TBC1D19: variants seen among roughly 807,000 people sequenced by gnomAD.
TBC1D19 encodes the protein TBC1 domain family member 19, also known as TBC1 domain family, member 19.
In TBC1D19, 60 loss-of-function variants were observed where a neutral mutation model predicts 89.0. That is an observed-to-expected ratio of 0.67 (90% CI 0.55 to 0.84). The LOEUF (loss-of-function observed/expected upper bound fraction) is 0.84. Ranked by LOEUF, TBC1D19 falls within the 40% of genes least tolerant of loss-of-function variation. The pLI is 0.00. For missense variants in TBC1D19, 500 were observed against 610.8 expected (o/e 0.82, Z 1.91); for synonymous variants, 189 against 199.7 (o/e 0.95, Z 0.45).
At chr4:26,806,115 T>A in the TBC1D19 span, among the ~76,000 whole-genome samples, 1 of 152,034 alleles carries the variant, frequency 6.6e-6, no homozygotes, top group African/African-American at 2.4e-5. Context: ...CCTGCTAAAC[T>A]TGAGCCTGAC....
At chr4:26,687,690 C>T (rs181945294) in intron 12 of TBC1D19, among the ~76,000 whole-genome samples, 259 of 151,944 alleles carry the variant, frequency 1.7e-3, no homozygotes, top group African/African-American at 6.0e-3. Context: ...GGTGGTACTA[C>T]GTATACAAAA....
chr4:26,653,817 C>A (rs545090174), intron 7 of TBC1D19, among the ~76,000 whole-genome samples: 183 of 152,096 alleles, frequency 1.2e-3, no homozygotes, highest in Non-Finnish European at 2.0e-3. Flanking sequence ...TGGGTCTTTA[C>A]TCTTTCTCCA....
At chr4:26,579,995 C>A (rs2109919908), upstream of TBC1D19, among the ~76,000 whole-genome samples, 1 of 152,308 alleles carries the variant, frequency 6.6e-6, no homozygotes, top group East Asian at 1.9e-4. Flanking sequence ...TTGGGACTCT[C>A]CTCCAGACTT....
chr4:26,693,810 G>C (rs1714514001), intron 13 of TBC1D19, among the ~76,000 whole-genome samples: 2 of 152,086 alleles, frequency 1.3e-5, no homozygotes, highest in South Asian at 4.1e-4. Flanking sequence ...GCGTTGAAAA[G>C]TACAATAATT....
Position 26,620,610 on chromosome 4 carries a change from T to C in TBC1D19, c.219-3T>C. ...ATATTTAGCTGCCTCTTTTTGCTCC[T>C]AGGTTTCCTTTACCTAGTCATCCTG... On this transcript the variant is annotated splice_polypyrimidine_tract_variant and splice_region_variant and intron_variant, in intron 3 of 20. Coordinates refer to ENST00000264866, the MANE Select transcript of TBC1D19 (RefSeq NM_018317.4). 6.2e-7 allele frequency: 1 copy of C among 1,613,324 alleles called. No individual in the cohort carries two copies. Among genetic ancestry groups the C allele is most frequent in the Non-Finnish European group, 8.5e-7 (1 of 1,179,646 alleles).
At chr4:26,650,220 A>G (rs1420442757) in intron 7 of TBC1D19, among the ~76,000 whole-genome samples, 2 of 152,022 alleles carry the variant, frequency 1.3e-5, no homozygotes, top group Non-Finnish European at 2.9e-5. Flanking sequence ...TCCTTTGAGT[A>G]TATACCCCGT....
At chr4:26,587,909 T>A (rs1739515413) in intron 1 of TBC1D19, among the ~76,000 whole-genome samples, 2 of 152,136 alleles carry the variant, frequency 1.3e-5, no homozygotes, top group Non-Finnish European at 2.9e-5. Context: ...ACTTAATTTA[T>A]TTTAACGAAT....
At chr4:26,745,686 A>G (rs1460453593) in intron 18 of TBC1D19, among the ~76,000 whole-genome samples, 1 of 149,082 alleles carries the variant, frequency 6.7e-6, no homozygotes, top group African/African-American at 2.5e-5. Context: ...TTTTTTTTGT[A>G]TTTTTAGTAG....
chr4:26,666,333 A>C lies in TBC1D19; in HGVS notation c.592A>C (p.Lys198Gln). ...PLKVKDIPEL[K>Q]ECFVELGLNI... ...TAATTCTACGTATGTTATTTTTCAGAAAGAATGCTTTGTGGAACTTGGCTT... is the reference window on the plus strand; with the variant it reads ...TAATTCTACGTATGTTATTTTTCAGCAAGAATGCTTTGTGGAACTTGGCTT... Residue 198 changes from lysine (K) to glutamine (Q), a missense_variant and splice_region_variant, in exon 9 of 21, where the codon AAA becomes CAA. This residue lies in a region of TBC1D19 where 280 missense variants were observed against 291.7 expected (regional missense o/e 0.96). Coordinates refer to ENST00000264866, the MANE Select transcript of TBC1D19 (RefSeq NM_018317.4). 1 of 1,610,326 alleles carries C rather than the reference A, an allele frequency of 6.2e-7. No homozygotes were observed. The highest frequency in any genetic ancestry group is 8.5e-7 in the Non-Finnish European group (1 of 1,177,684).
At chr4:26,777,713 T>C in the TBC1D19 span, among the ~76,000 whole-genome samples, 7 of 152,070 alleles carry the variant, frequency 4.6e-5, no homozygotes, top group African/African-American at 1.4e-4. Context: ...CCTCCCAAAG[T>C]GCTGGGATTA....
intron 7 of TBC1D19, among the ~76,000 whole-genome samples, chr4:26,651,280 G>A (rs1744358858): frequency 6.6e-6 from 1 of 152,078 alleles, no homozygotes; most frequent in Admixed American, 6.6e-5. Flanking sequence ...GATGGGGATG[G>A]CATTGAATCT....
intron 15 of TBC1D19, among the ~76,000 whole-genome samples, chr4:26,728,939 C>T (rs898190035): frequency 6.6e-6 from 1 of 152,176 alleles, no homozygotes; most frequent in African/African-American, 2.4e-5. Flanking sequence ...GGCCTGAACC[C>T]GGGAGGCGGA....
chr4:26,608,192 T>C (rs1741128183), intron 1 of TBC1D19, among the ~76,000 whole-genome samples: 1 of 152,196 alleles, frequency 6.6e-6, no homozygotes, highest in Admixed American at 6.5e-5. Context: ...TCATTTTAAT[T>C]TGGGAGTGTG....
the TBC1D19 span, among the ~76,000 whole-genome samples, chr4:26,806,219 C>G: frequency 6.6e-6 from 1 of 152,156 alleles, no homozygotes; most frequent in African/African-American, 2.4e-5. Flanking sequence ...GCTGTTTTCT[C>G]CTGATCCAAG....
the TBC1D19 span, among the ~76,000 whole-genome samples, chr4:26,779,615 G>A: frequency 2.6e-4 from 39 of 152,246 alleles, no homozygotes; most frequent in African/African-American, 9.4e-4. Flanking sequence ...CTTGGGTTTT[G>A]GACTAAGTCA....
At chr4:26,720,036 T>C (rs1390680456) in intron 14 of TBC1D19, 45 bp from the exon 15 acceptor site, 9 of 1,486,602 alleles carry the variant, frequency 6.1e-6, no homozygotes, top group Non-Finnish European at 8.2e-6. Context: ...TTTAAAGATT[T>C]ATTTACTTAA....
chr4:26,775,574 G>C, the TBC1D19 span, among the ~76,000 whole-genome samples: 878 of 152,242 alleles, frequency 5.8e-3, 6 homozygotes, highest in African/African-American at 0.021. Context: ...GGGCTTTCAG[G>C]GTGGCTACTC....
chr4:26,714,974 T>G (rs574615093), intron 13 of TBC1D19, among the ~76,000 whole-genome samples: 1 of 152,156 alleles, frequency 6.6e-6, no homozygotes, highest in South Asian at 2.1e-4. Context: ...GCCTCAAGTC[T>G]CAGTTCTTGG....
intron 4 of TBC1D19, among the ~76,000 whole-genome samples, chr4:26,635,755 G>A (rs113176936): frequency 2.0e-3 from 306 of 152,246 alleles, no homozygotes; most frequent in African/African-American, 7.0e-3. Flanking sequence ...TGTTATGAAA[G>A]CCCATAAGCA....
Sources: gnomAD v4.1 joint callset for allele counts (sites outside exome capture counted in the v4.1 genomes callset) on GRCh38, gnomAD v4.1.1 for gene constraint, gnomAD v4.1.1 regional missense constraint, MANE v1.5 for transcripts, NCBI Gene and HGNC (gene_info 2026-07-23, HGNC 2026-07-21) for gene names.